KALRN: variants seen among roughly 807,000 people sequenced by gnomAD.
The protein encoded by KALRN is kalirin RhoGEF kinase, also known as kalirin.
KALRN carries 70 observed loss-of-function variants against 353.7 expected under a neutral mutation model. That is an observed-to-expected ratio of 0.20 (90% CI 0.16 to 0.24). The LOEUF (loss-of-function observed/expected upper bound fraction) is 0.24, where lower values mean the gene tolerates loss of function less well. Ranked by LOEUF, KALRN falls within the 10% of genes least tolerant of loss-of-function variation. KALRN has a pLI of 1.00. For missense variants in KALRN, 2,791 were observed against 3,756.7 expected (o/e 0.74, Z 6.72); for synonymous variants, 1,391 against 1,434.8 (o/e 0.97, Z 0.69).
chr3:124,161,938 A>C (rs1417113272), intron 1 of KALRN, among the ~76,000 whole-genome samples: 3 of 152,228 alleles, frequency 2.0e-5, no homozygotes, highest in Non-Finnish European at 4.4e-5. Flanking sequence ...TTACTTCATC[A>C]CAAAATAAAG....
intron 1 of KALRN, among the ~76,000 whole-genome samples, chr3:124,046,921 A>G: frequency 6.8e-6 from 1 of 147,380 alleles, no homozygotes; most frequent in East Asian, 2.0e-4. Flanking sequence ...CAAAAAAGCT[A>G]CTTATTGGTG....
intron 34 of KALRN, among the ~76,000 whole-genome samples, chr3:124,615,339 A>G (rs1274001981): frequency 6.6e-6 from 1 of 152,246 alleles, no homozygotes; most frequent in East Asian, 1.9e-4. Context: ...CATAAAAGAC[A>G]TGATCTTTCT....
chr3:124,425,829 T>C (rs2092990138), intron 15 of KALRN, among the ~76,000 whole-genome samples: 1 of 152,208 alleles, frequency 6.6e-6, no homozygotes, highest in Non-Finnish European at 1.5e-5. Context: ...GATAAGTATT[T>C]TGTTAAATAG....
rs550993496 is a variant in KALRN, at chr3:124,509,538, T to C, written c.4935+13125T>C. Among the ~76,000 whole-genome samples, 4 of 152,366 alleles carry C rather than the reference T, an allele frequency of 2.6e-5. No individual in the cohort carries two copies. In the East Asian group the frequency reaches 7.7e-4, roughly 29 times the overall value. ...TAGTATTTTAGGGTACAGTTCACCA[T>C]TTGTTTCTCCACAGAATAGTGTACC... On this transcript the variant is annotated intron_variant, in intron 33 of 59. Coordinates refer to ENST00000682506, the MANE Select transcript of KALRN (RefSeq NM_001388419.1).
At chr3:124,099,967 C>T (rs1259217368) in intron 1 of KALRN, among the ~76,000 whole-genome samples, 1 of 152,096 alleles carries the variant, frequency 6.6e-6, no homozygotes, top group African/African-American at 2.4e-5. Context: ...AGTTCGAGAC[C>T]AGCCTGGCCA....
chr3:124,053,406 G>C (rs2041225847), intron 1 of KALRN, among the ~76,000 whole-genome samples: 1 of 152,182 alleles, frequency 6.6e-6, no homozygotes, highest in Non-Finnish European at 1.5e-5. Context: ...ATGTCTAGTT[G>C]ATGTTGGGAT....
intron 33 of KALRN, among the ~76,000 whole-genome samples, chr3:124,505,402 G>A (rs901929637): frequency 6.6e-6 from 1 of 152,140 alleles, no homozygotes; most frequent in Non-Finnish European, 1.5e-5. Flanking sequence ...GGCCAAGGTG[G>A]GTGGATCAGC....
intron 23 of KALRN, among the ~76,000 whole-genome samples, chr3:124,457,560 G>C (rs1394704679): frequency 6.6e-6 from 1 of 152,010 alleles, no homozygotes; most frequent in Admixed American, 6.6e-5. Context: ...CCTGCCACCA[G>C]CACCTACACT....
chr3:124,473,048 C>T (rs1014559951), intron 25 of KALRN, among the ~76,000 whole-genome samples: 3 of 152,134 alleles, frequency 2.0e-5, no homozygotes, highest in Non-Finnish European at 4.4e-5. Context: ...CATCTATTAT[C>T]CCATCAATTA....
intron 1 of KALRN, among the ~76,000 whole-genome samples, chr3:124,058,855 TA>T (rs762177754): frequency 6.6e-6 from 1 of 152,138 alleles, no homozygotes; most frequent in African/African-American, 2.4e-5. Context: ...TATATATTTT[TA>T]AAAAAACTAT....
At position 124,227,663 on chromosome 3, in the gene KALRN, GTTTTTTTTTTTTTTTTTTTTTTTTTTTT is replaced by G. The variant is rs747087120; in HGVS notation, c.74-312_74-285del. Among the ~76,000 whole-genome samples, 45 of 69,230 alleles carry G rather than the reference GTTTTTTTTTTTTTTTTTTTTTTTTTTTT, an allele frequency of 6.5e-4. 1 individual carries two copies. Among genetic ancestry groups the G allele is most frequent in the Admixed American group, 1.7e-4 (1 of 5,962 alleles). 45.4% of individuals were successfully genotyped at this position (69,230 alleles called of 152,430 possible). A position where few individuals can be genotyped will look rare whatever the true frequency, so the allele number is the denominator to read the frequency against. On this transcript the variant is annotated intron_variant, in intron 1 of 59. Transcript: ENST00000682506. ...CAAGTTGCTCAATAGCAACAGGGCT[GTTTTTTTTTTTTTTTTTTTTTTTTTTTT>G]TTTTTTTTTTTTTTGCCCCCACTGC...
chr3:124,229,341 G>A lies in KALRN; in HGVS notation c.148+1277G>A, dbSNP rs556053752. On this transcript the variant is annotated intron_variant, in intron 2 of 59. Coordinates refer to ENST00000682506, the MANE Select transcript of KALRN (RefSeq NM_001388419.1). ...AATCACTCTGGGTGCCTGTTGCAGG[G>A]CTCCACTCTAGGCCTCCGGGATCAG... is the stretch of plus-strand genomic sequence containing the variant. 2.0e-5 allele frequency among the ~76,000 whole-genome samples: 3 copies of A among 152,366 alleles called. No individual in the cohort carries two copies. In the South Asian group the frequency reaches 6.2e-4, roughly 32 times the overall value.
chr3:124,591,648 G>A (rs1578194403), intron 34 of KALRN, among the ~76,000 whole-genome samples: 1 of 152,188 alleles, frequency 6.6e-6, no homozygotes, highest in African/African-American at 2.4e-5. Flanking sequence ...TGTAAGTAAA[G>A]GGCCTAGCAT....
chr3:124,488,945 G>C (rs1469400409), intron 29 of KALRN: 2 of 152,180 alleles, frequency 1.3e-5, no homozygotes, highest in African/African-American at 4.8e-5. Flanking sequence ...CTATCTTCTT[G>C]GGACCAGAAA....
chr3:124,496,014 C>CATATAT lies in KALRN; in HGVS notation c.4833-296_4833-295insTATATA, dbSNP rs1433558735. On this transcript the variant is annotated intron_variant, in intron 32 of 59. Coordinates refer to ENST00000682506, the MANE Select transcript of KALRN (RefSeq NM_001388419.1). ...ATATATATATATATATATATATATA[C>CATATAT]ACACACATATATACATACATACACC... Among the ~76,000 whole-genome samples the CATATAT allele has an allele frequency of 2.8e-3, 76 of 27,438 alleles. 5 individuals carry two copies. Among genetic ancestry groups the CATATAT allele is most frequent in the African/African-American group, 0.013 (67 of 5,048 alleles). The allele number at this position is 27,438 out of a possible 152,430, so 18.0% of individuals were successfully genotyped here. A position where few individuals can be genotyped will look rare whatever the true frequency, so the allele number is the denominator to read the frequency against.
At chr3:124,209,989 T>A (rs1177814904) in intron 1 of KALRN, among the ~76,000 whole-genome samples, 2 of 152,192 alleles carry the variant, frequency 1.3e-5, no homozygotes, top group Non-Finnish European at 2.9e-5. Context: ...GATGCTCCAG[T>A]GTTTCTTCAG....
intron 1 of KALRN, among the ~76,000 whole-genome samples, chr3:124,159,554 G>C (rs563824389): frequency 6.7e-6 from 1 of 148,556 alleles, no homozygotes; most frequent in African/African-American, 2.5e-5. Context: ...TTACAGGCAT[G>C]AGCCACTGCA....
intron 57 of KALRN, among the ~76,000 whole-genome samples, chr3:124,706,268 C>T (rs1327846017): frequency 6.6e-6 from 1 of 152,116 alleles, no homozygotes; most frequent in Non-Finnish European, 1.5e-5. Context: ...ACACCAGGCA[C>T]AGTTGAAGGC....
At chr3:124,226,607 C>T (rs16835194) in intron 1 of KALRN, among the ~76,000 whole-genome samples, 2,469 of 152,286 alleles carry the variant, frequency 0.016, 55 homozygotes, top group African/African-American at 0.056. Context: ...ATCATAGAAA[C>T]TGGCATTGTG....
Sources: gnomAD v4.1 joint callset for allele counts (sites outside exome capture counted in the v4.1 genomes callset) on GRCh38, gnomAD v4.1.1 for gene constraint, MANE v1.5 for transcripts, NCBI Gene and HGNC (gene_info 2026-07-23, HGNC 2026-07-21) for gene names.